PCDHGA5: variants seen among roughly 807,000 people sequenced by gnomAD.
PCDHGA5 encodes protocadherin gamma subfamily A, 5, also known as protocadherin gamma-A5.
Under a neutral mutation model 56.7 loss-of-function variants are expected in PCDHGA5, and 36 were observed. The observed-to-expected ratio is 0.64, with a 90% CI of 0.49 to 0.84. The LOEUF is 0.84. PCDHGA5 is among the 40% of genes least tolerant of loss of function. The probability of loss-of-function intolerance (pLI) is 0.00; values close to 1 mark genes in which losing one functional copy is unlikely to be tolerated. For missense variants in PCDHGA5, 1,305 were observed against 1,201.5 expected (o/e 1.09, Z -1.27); for synonymous variants, 563 against 520.2 (o/e 1.08, Z -1.12).
At position 141,403,043 on chromosome 5, in the gene PCDHGA5, A is replaced by C. The variant is rs779412498; in HGVS notation, c.2421+36292A>C. On this transcript the variant is annotated intron_variant, in intron 1 of 3. Coordinates refer to ENST00000518069, the MANE Select transcript of PCDHGA5 (RefSeq NM_018918.3). ...GCTATGGGAGGCCAGGGCCAGTCAG[A>C]TTCGCTACTCAGTGCCTGAAGAGAC... 21 of 1,614,070 alleles carry C rather than the reference A, an allele frequency of 1.3e-5. No homozygotes were observed. In the South Asian group the frequency reaches 2.3e-4, roughly 18 times the overall value.
rs1219684339 is a variant in PCDHGA5, at chr5:141,506,444, CAAAAAAAAAAA to C, written c.2569+974_2569+984del. Among the ~76,000 whole-genome samples, 33 of 95,024 alleles carry C rather than the reference CAAAAAAAAAAA, an allele frequency of 3.5e-4. No individual in the cohort carries two copies. The East Asian group carries it at 0.011, about 31-fold the overall frequency. The allele number at this position is 95,024 out of a possible 152,430, so 62.3% of individuals were successfully genotyped here. On this transcript the variant is annotated intron_variant, in intron 3 of 3. Coordinates refer to ENST00000518069, the MANE Select transcript of PCDHGA5 (RefSeq NM_018918.3). ...CCTGGGCAACAGTCTCGCTCTGTCTCAAAAAAAAAAAAAAAAAAAAAGAGCACAGGCTTTAG... is the reference window on the plus strand; with the variant it reads ...CCTGGGCAACAGTCTCGCTCTGTCTCAAAAAAAAAAGAGCACAGGCTTTAG...
At chr5:141,404,694 C>A in intron 1 of PCDHGA5, 5 of 1,614,116 alleles carry the variant, frequency 3.1e-6, no homozygotes, top group Non-Finnish European at 4.2e-6. Context: ...GCACCCCGCT[C>A]TGCAGAGCCT....
Position 141,365,011 on chromosome 5 carries a change from C to T in PCDHGA5, c.681C>T (p.His227=), listed in dbSNP as rs372758360. The change falls in exon 1 of 4, where the codon CAC becomes CAT. Residue 227 remains histidine (H), a synonymous_variant. Transcript: ENST00000518069. Reference sequence around the variant, plus strand: ...ACCCGGTACTCTCCGGCACCACGCACATCCGTGTTACGGTCCTCGACGCAA... The same window carrying T: ...ACCCGGTACTCTCCGGCACCACGCATATCCGTGTTACGGTCCTCGACGCAA... The part of the protein sequence containing the change: ...GGDPVLSGTT[H]IRVTVLDAND... 64 of 1,613,820 alleles carry T rather than the reference C, an allele frequency of 4.0e-5. No homozygotes were observed. The highest frequency in any genetic ancestry group is 6.7e-5 in the African/African-American group (5 of 74,922).
In PCDHGA5 at chr5:141,365,288, G is replaced by A. The variant is rs1293975471; in HGVS notation, c.958G>A (p.Val320Ile). Residue 320 changes from valine (V) to isoleucine (I), a missense_variant, in exon 1 of 4, where the codon GTA becomes ATA. Val to Ile is a conservative substitution (Grantham distance 29, BLOSUM62 3). Coordinates refer to ENST00000518069, the MANE Select transcript of PCDHGA5 (RefSeq NM_018918.3). ...ATCCAGATTCTACCTCATGGAAGTG[G>A]TAGCTCAGGATGGAGGCGCTCTTGT... ...EESRFYLMEV[V>I]AQDGGALVAS... The A allele has an allele frequency of 6.2e-7, 1 of 1,613,960 alleles. No homozygotes were observed. The highest frequency in any genetic ancestry group is 8.5e-7 in the Non-Finnish European group (1 of 1,179,898).
rs200646513 is a variant in PCDHGA5, at chr5:141,421,389, G to A, written c.2421+54638G>A. ...TGGGCAATATCTCCAAGGACCTGGG[G>A]CTGGAGCCCCGGGAGCTGGCGAAGC... On this transcript the variant is annotated intron_variant, in intron 1 of 3. Coordinates refer to ENST00000518069, the MANE Select transcript of PCDHGA5 (RefSeq NM_018918.3). The A allele has an allele frequency of 1.7e-3, 2,771 of 1,614,052 alleles. 5 individuals carry two copies. The highest frequency in any genetic ancestry group is 2.2e-3 in the Non-Finnish European group (2,560 of 1,179,918).
intron 1 of PCDHGA5, chr5:141,419,197 T>A (rs560134083): frequency 6.2e-7 from 1 of 1,613,966 alleles, no homozygotes; most frequent in East Asian, 2.2e-5. Flanking sequence ...CTGACGTCAA[T>A]GACAACGCGC....
intron 1 of PCDHGA5, chr5:141,414,008 A>G (rs753686379): frequency 4.3e-6 from 7 of 1,613,188 alleles, no homozygotes; most frequent in Middle Eastern, 1.6e-4. Context: ...GAAGGTGCCA[A>G]TGGAGAAGTG....
At chr5:141,451,703 A>C (rs975120935) in intron 1 of PCDHGA5, among the ~76,000 whole-genome samples, 2 of 152,144 alleles carry the variant, frequency 1.3e-5, no homozygotes, top group Non-Finnish European at 2.9e-5. Context: ...GTAACATGAC[A>C]AAACCCTGCC....
At chr5:141,462,893 G>A (rs577241413) in intron 1 of PCDHGA5, among the ~76,000 whole-genome samples, 68 of 152,170 alleles carry the variant, frequency 4.5e-4, no homozygotes, top group African/African-American at 1.4e-3. Context: ...AGTTTGTTTT[G>A]GAAGGCTATT....
intron 1 of PCDHGA5, chr5:141,398,592 A>G: frequency 6.2e-7 from 1 of 1,614,068 alleles, no homozygotes; most frequent in South Asian, 1.1e-5. Flanking sequence ...TTATACTAGA[A>G]GTAGCAGAAG....
intron 1 of PCDHGA5, chr5:141,371,193 A>G: frequency 1.2e-6 from 2 of 1,614,034 alleles, no homozygotes; most frequent in Non-Finnish European, 8.5e-7. Context: ...AGTGATGGCC[A>G]TTGACATGGA....
rs746539261 is a variant in PCDHGA5, at chr5:141,415,336, C to A, written c.2421+48585C>A. On this transcript the variant is annotated intron_variant, in intron 1 of 3. Transcript: ENST00000518069. ...CATCGTGCTGCTGGCGCACAGGCTG[C>A]GGCGCTGGCACAAGTCACGCCTGCT... 7 of 1,614,200 alleles carry A rather than the reference C, an allele frequency of 4.3e-6. 1 individual carries two copies. The South Asian group carries it at 7.7e-5, about 18-fold the overall frequency.
At chr5:141,374,140 C>G in intron 1 of PCDHGA5, 1 of 1,609,666 alleles carries the variant, frequency 6.2e-7, no homozygotes, top group Non-Finnish European at 8.5e-7. Flanking sequence ...TCCTCACGCT[C>G]CTGGGGACGC....
intron 1 of PCDHGA5, among the ~76,000 whole-genome samples, chr5:141,469,731 C>A (rs1332201791): frequency 6.6e-6 from 1 of 152,214 alleles, no homozygotes; most frequent in Non-Finnish European, 1.5e-5. Context: ...ATCATAAATA[C>A]ACACCTCAAA....
At chr5:141,392,899 G>A in intron 1 of PCDHGA5, 1 of 1,613,820 alleles carries the variant, frequency 6.2e-7, no homozygotes, top group Admixed American at 1.7e-5. Flanking sequence ...ATCGGGAGGG[G>A]ACAGATTCGC....
chr5:141,480,065 A>G (rs2099511928), intron 1 of PCDHGA5, among the ~76,000 whole-genome samples: 1 of 152,220 alleles, frequency 6.6e-6, no homozygotes, highest in Non-Finnish European at 1.5e-5. Flanking sequence ...TAAGTGTTTT[A>G]TAAGATTCAT....
chr5:141,459,444 T>C (rs1485634547), intron 1 of PCDHGA5, among the ~76,000 whole-genome samples: 1 of 152,244 alleles, frequency 6.6e-6, no homozygotes, highest in Non-Finnish European at 1.5e-5. Context: ...TTCATTCAAC[T>C]GTTGGTGGAC....
chr5:141,371,622 C>G (rs1198446488), intron 1 of PCDHGA5: 1 of 1,613,888 alleles, frequency 6.2e-7, no homozygotes, highest in African/African-American at 1.3e-5. Flanking sequence ...AGATGGAGCC[C>G]TGGACCGGGA....
At chr5:141,371,225 C>A in intron 1 of PCDHGA5, 1 of 1,614,046 alleles carries the variant, frequency 6.2e-7, no homozygotes, top group Non-Finnish European at 8.5e-7. Context: ...ATGCCGAAAT[C>A]ATCTATGCCT....
Sources: gnomAD v4.1 joint callset for allele counts (sites outside exome capture counted in the v4.1 genomes callset) on GRCh38, gnomAD v4.1.1 for gene constraint, MANE v1.5 for transcripts, NCBI Gene and HGNC (gene_info 2026-07-23, HGNC 2026-07-21) for gene names.